Variants in SCUBE3 observed in about 807,000 individuals in gnomAD.
The protein encoded by SCUBE3 is signal peptide, CUB and EGF-like domain-containing protein 3.
In SCUBE3, 33 loss-of-function variants were observed where a neutral mutation model predicts 116.8. That is an observed-to-expected ratio of 0.28 (90% CI 0.21 to 0.38). SCUBE3 has a LOEUF of 0.38. SCUBE3 is among the 10% of genes least tolerant of loss of function. SCUBE3 has a pLI of 1.00. For synonymous variants in SCUBE3, 418 were observed against 496.9 expected (o/e 0.84, Z 2.11); for missense variants, 1,007 against 1,324.8 (o/e 0.76, Z 3.72).
intron 12 of SCUBE3, 94 bp from the exon 13 acceptor site, chr6:35,242,110 C>A (rs568612391): frequency 1.0e-6 from 1 of 966,746 alleles, no homozygotes; most frequent in African/African-American, 1.6e-5. Flanking sequence ...CCAGCCAAGC[C>A]CCTGGCTTAT....
At position 35,242,304 on chromosome 6, in the gene SCUBE3, C is replaced by T. The variant is rs146816938; in HGVS notation, c.1518C>T (p.Gly506=). 5 of 1,611,766 alleles carry T rather than the reference C, an allele frequency of 3.1e-6. No homozygotes were observed. The African/African-American group carries it at 6.7e-5, about 22-fold the overall frequency. The change falls in exon 13 of 22, where the codon GGC becomes GGT. Residue 506 remains glycine, a synonymous_variant. Coordinates refer to ENST00000274938, the MANE Select transcript of SCUBE3 (RefSeq NM_152753.4). ...ACAAAGGCAAAACAGAGGAGGCTGG[C>T]AGAATCACAGGGCCAGGTTTGGACT... ...LRNKGKTEEA[G]RITGPGGAPC... is the part of the protein sequence containing the mutation.
At chr6:35,226,590 C>G (rs1434345879) in intron 1 of SCUBE3, among the ~76,000 whole-genome samples, 1 of 144,354 alleles carries the variant, frequency 6.9e-6, no homozygotes, top group Non-Finnish European at 1.5e-5. Context: ...TCAAGCGATT[C>G]TCCTGCCACA....
At chr6:35,218,069 GAGAA>G in intron 1 of SCUBE3, 1 of 905,926 alleles carries the variant, frequency 1.1e-6, no homozygotes, top group Non-Finnish European at 1.3e-6. Flanking sequence ...ACTGCAGGCA[GAGAA>G]AGAAGACAGT....
chr6:35,240,511 C>A lies in SCUBE3; in HGVS notation c.1069+21C>A, dbSNP rs769653791. 9.2e-6 allele frequency: 12 copies of A among 1,304,896 alleles called. No individual in the cohort carries two copies. The South Asian group carries it at 1.5e-4, about 16-fold the overall frequency. The allele number at this position is 1,304,896 out of a possible 1,614,324, so 80.8% of individuals were successfully genotyped here. On this transcript the variant is annotated intron_variant, in intron 9 of 21. Coordinates refer to ENST00000274938, the MANE Select transcript of SCUBE3 (RefSeq NM_152753.4). This position sits in a 1 kb window ranked among gnomAD's most constrained non-coding sequence, Gnocchi z 4.6. ...TGGGGGTAAGCTAGTAAGCTTGCACCCCCAGCCACCCTGGCCCCCTCACCT... is the reference window on the plus strand; with the variant it reads ...TGGGGGTAAGCTAGTAAGCTTGCACACCCAGCCACCCTGGCCCCCTCACCT...
rs1784011823 is a variant in SCUBE3 at position 35,240,863 on chromosome 6, A to C, written c.1070-278A>C. On this transcript the variant is annotated intron_variant, in intron 9 of 21. Coordinates refer to ENST00000274938, the MANE Select transcript of SCUBE3 (RefSeq NM_152753.4). This position sits in a 1 kb window ranked among gnomAD's most constrained non-coding sequence, Gnocchi z 4.6. ...ATTGGAGGAGGTTTGAGCTCTTCTCAGGCCAGTAGTCATCTTACAGTGCCT... is the reference window on the plus strand; with the variant it reads ...ATTGGAGGAGGTTTGAGCTCTTCTCCGGCCAGTAGTCATCTTACAGTGCCT... 2.6e-5 allele frequency among the ~76,000 whole-genome samples: 4 copies of C among 152,208 alleles called. No homozygotes were observed. The highest frequency in any genetic ancestry group is 2.0e-4 in the Admixed American group (3 of 15,280).
chr6:35,232,545 A>G lies in SCUBE3; in HGVS notation c.470-305A>G, dbSNP rs1783593462. On this transcript the variant is annotated intron_variant, in intron 4 of 21. Coordinates refer to ENST00000274938, the MANE Select transcript of SCUBE3 (RefSeq NM_152753.4). The surrounding 1 kb of genome is among the most constrained non-coding windows in gnomAD (Gnocchi z 4.2). ...TTCCTAAATCCACCCCATCTCCAGC[A>G]CAGTGCTGGACACCTATTATACACA... Among the ~76,000 whole-genome samples the G allele has an allele frequency of 6.6e-6, 1 of 152,174 alleles. No individual in the cohort carries two copies. The highest frequency in any genetic ancestry group is 1.5e-5 in the Non-Finnish European group (1 of 68,030).
rs149941181 is a variant in SCUBE3, at chr6:35,246,352, G to A, written c.2832+67G>A. On this transcript the variant is annotated intron_variant, in intron 21 of 21. Coordinates refer to ENST00000274938, the MANE Select transcript of SCUBE3 (RefSeq NM_152753.4). ...GCATGTAACAATATATAGGCAATAGGCTAAGTGCTTACATGAATATTCTCA... is the reference window on the plus strand; with the variant it reads ...GCATGTAACAATATATAGGCAATAGACTAAGTGCTTACATGAATATTCTCA... The A allele has an allele frequency of 8.4e-5, 95 of 1,130,920 alleles. No homozygotes were observed. In the African/African-American group the frequency reaches 1.3e-3, roughly 15 times the overall value. 70.1% of individuals were successfully genotyped at this position (1,130,920 alleles called of 1,614,324 possible).
At chr6:35,220,906 C>G (rs1783097130) in intron 1 of SCUBE3, 1 of 152,226 alleles carries the variant, frequency 6.6e-6, no homozygotes, top group African/African-American at 2.4e-5. Flanking sequence ...GGCCCAGACT[C>G]TCACTGAAGT....
rs1784298988 is a variant in SCUBE3 at position 35,245,541 on chromosome 6, G to C, written c.2599+116G>C. On this transcript the variant is annotated intron_variant, in intron 19 of 21. Transcript: ENST00000274938. The surrounding 1 kb of genome is among the most constrained non-coding windows in gnomAD (Gnocchi z 4.2). ...GGGCAGTGAAGTTAGGGATCTATGA[G>C]GGTGAAATAGTGAGAGGCCTTTAGG... The C allele has an allele frequency of 1.2e-6, 1 of 820,874 alleles. No homozygotes were observed. The highest frequency in any genetic ancestry group is 2.2e-5 in the Admixed American group (1 of 44,550). 50.8% of individuals were successfully genotyped at this position (820,874 alleles called of 1,614,324 possible).
chr6:35,222,343 T>A (rs1041528), intron 1 of SCUBE3: 119,696 of 152,186 alleles, frequency 0.79, 47,668 homozygotes, highest in Non-Finnish European at 0.85. Flanking sequence ...GACTACTTGT[T>A]TTATAATAAT....
At chr6:35,248,519 C>T (rs2071920) in intron 21 of SCUBE3, 37 bp from the exon 22 acceptor site, 1,260,947 of 1,608,310 alleles carry the variant, frequency 0.78, 503,913 homozygotes, top group South Asian at 0.82. Context: ...CCACCCCCGA[C>T]GGTGAGGCTG....
Position 35,228,767 on chromosome 6 carries a change from A to G in SCUBE3, c.334+28A>G. On this transcript the variant is annotated intron_variant, in intron 3 of 21. Transcript: ENST00000274938. The surrounding 1 kb of genome is among the most constrained non-coding windows in gnomAD (Gnocchi z 4.9). ...AAGCAAAGGAGAGGGGATTTGGTGG[A>G]GGGATGTCTTGTGGAGAAAGAGATC... The G allele has an allele frequency of 6.2e-7, 1 of 1,611,308 alleles. No homozygotes were observed. The highest frequency in any genetic ancestry group is 8.5e-7 in the Non-Finnish European group (1 of 1,177,492).
In SCUBE3 at chr6:35,244,153, T is replaced by C; in HGVS notation, c.2239+23T>C. 6.2e-7 allele frequency: 1 copy of C among 1,600,646 alleles called. No homozygotes were observed. Among genetic ancestry groups the C allele is most frequent in the South Asian group, 1.1e-5 (1 of 89,912 alleles). On this transcript the variant is annotated intron_variant, in intron 17 of 21. Coordinates refer to ENST00000274938, the MANE Select transcript of SCUBE3 (RefSeq NM_152753.4). This position sits in a 1 kb window ranked among gnomAD's most constrained non-coding sequence, Gnocchi z 4.3. ...AAGGTGAGTAAGCTACTCACCTCCC[T>C]GGGGGATGCCCCAACCCCAACTACT...
At position 35,241,605 on chromosome 6, in the gene SCUBE3, G is replaced by A; in HGVS notation, c.1258G>A (p.Gly420Ser). 9.9e-6 allele frequency: 16 copies of A among 1,614,170 alleles called. No homozygotes were observed. The highest frequency in any genetic ancestry group is 1.4e-5 in the Non-Finnish European group (16 of 1,180,012). Residue 420 changes from glycine to serine, a missense_variant, in exon 11 of 22, where the codon GGC (glycine) becomes AGC (serine). By Grantham distance (56) the Gly-to-Ser change is moderately conservative. Around this residue, in one of 5 missense-constraint regions of SCUBE3, gnomAD observed 544 missense variants for 638.9 expected, o/e 0.85. Coordinates refer to ENST00000274938, the MANE Select transcript of SCUBE3 (RefSeq NM_152753.4). The surrounding 1 kb of genome is among the most constrained non-coding windows in gnomAD (Gnocchi z 4.1). ...SKAMLSCNRS[G>S]KKDTCALTCP... ...AGCCATGCTCAGCTGCAACCGGTCTGGCAAGAAGGACACCTGTGCCCTGAC... is the reference window on the plus strand; with the variant it reads ...AGCCATGCTCAGCTGCAACCGGTCTAGCAAGAAGGACACCTGTGCCCTGAC...
At position 35,249,894 on chromosome 6, in the gene SCUBE3, TTCTA is replaced by T. The variant is rs1222658780; in HGVS notation, c.*1191_*1194del. 1 of 152,684 alleles carries T rather than the reference TTCTA, an allele frequency of 6.5e-6. No homozygotes were observed. The highest frequency in any genetic ancestry group is 1.9e-4 in the East Asian group (1 of 5,202). 9.5% of individuals were successfully genotyped at this position (152,684 alleles called of 1,614,324 possible). On this transcript the variant is annotated 3_prime_UTR_variant, in exon 22 of 22. Transcript: ENST00000274938. Reference sequence around the variant, plus strand: ...TAATAAGTGCAATCATTTTGAGTCTTTCTATGTTGTCTAGACGGAGGGGTTTTTG... The same window carrying T: ...TAATAAGTGCAATCATTTTGAGTCTTTGTTGTCTAGACGGAGGGGTTTTTG...
chr6:35,232,035 C>A lies in SCUBE3; in HGVS notation c.469+176C>A, dbSNP rs1408491695. On this transcript the variant is annotated intron_variant, in intron 4 of 21. Coordinates refer to ENST00000274938, the MANE Select transcript of SCUBE3 (RefSeq NM_152753.4). The surrounding 1 kb of genome is among the most constrained non-coding windows in gnomAD (Gnocchi z 4.2). ...TCTAGGAACAGACACCCTGTTAGGG[C>A]AAAATCTGGGGAAATTACTTTGAGG... is the stretch of plus-strand genomic sequence containing the variant. Among the ~76,000 whole-genome samples, 1 of 152,198 alleles carries A rather than the reference C, an allele frequency of 6.6e-6. No homozygotes were observed. The highest frequency in any genetic ancestry group is 1.5e-5 in the Non-Finnish European group (1 of 68,030).
In SCUBE3 at chr6:35,240,002, C is replaced by A; in HGVS notation, c.952+128C>A. On this transcript the variant is annotated intron_variant, in intron 8 of 21. Coordinates refer to ENST00000274938, the MANE Select transcript of SCUBE3 (RefSeq NM_152753.4). The surrounding 1 kb of genome is among the most constrained non-coding windows in gnomAD (Gnocchi z 4.6). ...ACAGAGTCTCTAGAGGCAGTGTCAT[C>A]CTGCAAATTAGCAAATGGTACTCTT... The A allele has an allele frequency of 1.3e-6, 1 of 794,500 alleles. No individual in the cohort carries two copies. The highest frequency in any genetic ancestry group is 1.9e-6 in the Non-Finnish European group (1 of 528,576). The allele number at this position is 794,500 out of a possible 1,614,324, so 49.2% of individuals were successfully genotyped here.
chr6:35,230,296 A>C (rs1430021769), intron 3 of SCUBE3, among the ~76,000 whole-genome samples: 2 of 152,170 alleles, frequency 1.3e-5, no homozygotes, highest in African/African-American at 4.8e-5. Context: ...TGACTTTTCT[A>C]GGCCCCTGAT....
chr6:35,244,633 T>C lies in SCUBE3; in HGVS notation c.2240-17T>C. The C allele has an allele frequency of 6.2e-7, 1 of 1,611,482 alleles. No homozygotes were observed. Among genetic ancestry groups the C allele is most frequent in the Non-Finnish European group, 8.5e-7 (1 of 1,177,822 alleles). On this transcript the variant is annotated splice_polypyrimidine_tract_variant and intron_variant, in intron 17 of 21. Transcript: ENST00000274938. This position sits in a 1 kb window ranked among gnomAD's most constrained non-coding sequence, Gnocchi z 4.3. ...CTGCCTACCATCTTGATTCCTGCCC[T>C]TCTCCCTTGCCTACAGTCCAGTGCT... is the stretch of plus-strand genomic sequence containing the variant.
Sources: allele counts gnomAD v4.1 joint callset (sites outside exome capture counted in the v4.1 genomes callset), GRCh38; gene constraint gnomAD v4.1.1; regional missense constraint gnomAD v4.1.1; non-coding constraint Gnocchi (gnomAD v3.1); transcripts MANE v1.5; gene names NCBI Gene and HGNC (gene_info 2026-07-23, HGNC 2026-07-21).